The following TBXAS1 variants were observed in gnomAD, a reference collection of about 807,000 sequenced individuals.
TBXAS1 encodes thromboxane-A synthase.
Under a neutral mutation model 60.7 loss-of-function variants are expected in TBXAS1, and 48 were observed. The observed-to-expected ratio is 0.79, with a 90% confidence interval of 0.63 to 1.01. TBXAS1 has a LOEUF of 1.01. Among genes scored for constraint, TBXAS1 ranks in the 50% least tolerant of loss-of-function variants. The pLI, the probability that TBXAS1 is intolerant of heterozygous loss-of-function variation, is 0.00. For missense variants in TBXAS1, 685 were observed against 686.3 expected (o/e 1.00, Z 0.02); for synonymous variants, 287 against 269.7 (o/e 1.06, Z -0.63).
At chr7:139,933,605 A>G (rs1350712578) in intron 4 of TBXAS1, among the ~76,000 whole-genome samples, 2 of 152,132 alleles carry the variant, frequency 1.3e-5, no homozygotes, top group African/African-American at 2.4e-5. Flanking sequence ...ATATCCCAGC[A>G]TCTTGGTTCT....
intron 4 of TBXAS1, among the ~76,000 whole-genome samples, chr7:139,816,027 G>A (rs1025356651): frequency 2.6e-5 from 4 of 152,142 alleles, no homozygotes; most frequent in Non-Finnish European, 5.9e-5. Flanking sequence ...TGATTGCATC[G>A]TGGGAGCAGT....
chr7:140,015,731 G>T lies in TBXAS1; in HGVS notation c.1235G>T (p.Arg412Leu). 1 of 1,613,278 alleles carries T rather than the reference G, an allele frequency of 6.2e-7. No homozygotes were observed. The highest frequency in any genetic ancestry group is 1.7e-4 in the Middle Eastern group (1 of 6,058). Residue 412 changes from arginine to leucine, a missense_variant, in exon 11 of 13, where the codon CGG (arginine) becomes CTG (leucine). Transcript: ENST00000448866. Reference protein sequence around the residue: ...RMYPPAFRFTREAAQDCEVLG... With the variant: ...RMYPPAFRFTLEAAQDCEVLG... ...CCTGGTGTTTCCCTCAGATTCACAC[G>T]GGAGGCAGCTCAGGACTGCGAGGTG... is the stretch of plus-strand genomic sequence containing the variant.
intron 4 of TBXAS1, among the ~76,000 whole-genome samples, chr7:139,927,160 AT>A (rs58381325): frequency 0.028 from 3,688 of 129,564 alleles, 122 homozygotes; most frequent in African/African-American, 0.087. Context: ...ACGCCCGGCT[AT>A]TTTTTTTTTT....
intron 3 of TBXAS1, among the ~76,000 whole-genome samples, chr7:139,892,068 T>C (rs1803661692): frequency 6.6e-6 from 1 of 152,188 alleles, no homozygotes; most frequent in Admixed American, 6.5e-5. Context: ...GTTCTCCTGA[T>C]ACACTAGCTG....
chr7:139,951,836 AAAGAAAGAAGGAAGGAAGGAAGG>A (rs1809324573), intron 5 of TBXAS1, among the ~76,000 whole-genome samples: 1 of 26,108 alleles, frequency 3.8e-5, no homozygotes, highest in Non-Finnish European at 8.4e-5. Flanking sequence ...AAGAGGAAAG[AAAGAAAGAAGGAAGGAAGGAAGG>A]AAAGAAGGAA....
rs193168434 is a variant in TBXAS1 at position 139,823,224 on chromosome 7, A to G, written c.-79-6088A>G. Among the ~76,000 whole-genome samples, 8 of 152,096 alleles carry G rather than the reference A, an allele frequency of 5.3e-5. No individual in the cohort carries two copies. The East Asian group carries it at 1.6e-3, about 30-fold the overall frequency. On this transcript the variant is annotated intron_variant, in intron 4 of 16. Transcript: ENST00000336425. Reference sequence around the variant, plus strand: ...GCCCTGCATGTATTTGTGTGCCATCATAACTATAAGACGGACGGAACTTAG... The same window carrying G: ...GCCCTGCATGTATTTGTGTGCCATCGTAACTATAAGACGGACGGAACTTAG...
chr7:139,787,512 G>A (rs1797237022), intron 4 of TBXAS1: 1 of 152,216 alleles, frequency 6.6e-6, no homozygotes, highest in Admixed American at 6.5e-5. Flanking sequence ...GTTAAGTCCT[G>A]TGTTTAATAG....
intron 4 of TBXAS1, among the ~76,000 whole-genome samples, chr7:139,809,833 C>A (rs1400297397): frequency 6.6e-6 from 1 of 152,116 alleles, no homozygotes; most frequent in Non-Finnish European, 1.5e-5. Context: ...CTCAGTCCAC[C>A]AACTCACATG....
At chr7:139,892,833 G>A (rs1803746303) in intron 3 of TBXAS1, among the ~76,000 whole-genome samples, 1 of 152,066 alleles carries the variant, frequency 6.6e-6, no homozygotes, top group Non-Finnish European at 1.5e-5. Context: ...AGCTCGGGGT[G>A]AGCTTCTTGA....
At chr7:139,965,516 A>C (rs7796452) in intron 9 of TBXAS1, among the ~76,000 whole-genome samples, 12,571 of 151,992 alleles carry the variant, frequency 0.083, 617 homozygotes, top group Middle Eastern at 0.12. Context: ...CTCACAGCAA[A>C]CTCCGCCGCC....
intron 1 of TBXAS1, among the ~76,000 whole-genome samples, chr7:139,831,877 A>T (rs1454043294): frequency 6.6e-6 from 1 of 152,202 alleles, no homozygotes; most frequent in African/African-American, 2.4e-5. Flanking sequence ...GGCTGCAGTG[A>T]TCTGAGATCA....
At chr7:139,932,412 C>G (rs547004164) in intron 4 of TBXAS1, among the ~76,000 whole-genome samples, 1 of 151,902 alleles carries the variant, frequency 6.6e-6, no homozygotes, top group Non-Finnish European at 1.5e-5. Flanking sequence ...TGGAGCTCAT[C>G]GCTCAAGGCA....
chr7:139,939,507 T>C lies in TBXAS1; in HGVS notation c.450+3200T>C, dbSNP rs1248737164. Reference sequence around the variant, plus strand: ...CTACTCCATATAGTTCAATTTAGGTTCTTGGGTTTGCGTTTGAAAGGATTC... The same window carrying C: ...CTACTCCATATAGTTCAATTTAGGTCCTTGGGTTTGCGTTTGAAAGGATTC... On this transcript the variant is annotated intron_variant, in intron 5 of 12. Transcript: ENST00000448866. Among the ~76,000 whole-genome samples the C allele has an allele frequency of 5.3e-5, 8 of 151,900 alleles. No homozygotes were observed. The East Asian group carries it at 9.7e-4, about 18-fold the overall frequency.
intron 5 of TBXAS1, among the ~76,000 whole-genome samples, chr7:139,947,606 C>G (rs530985713): frequency 4.1e-4 from 63 of 152,310 alleles, no homozygotes; most frequent in African/African-American, 1.5e-3. Context: ...ATAAGAATCT[C>G]CAGGTTATGC....
intron 1 of TBXAS1, among the ~76,000 whole-genome samples, chr7:139,843,258 CA>C (rs1450542228): frequency 2.0e-5 from 3 of 152,208 alleles, no homozygotes; most frequent in Non-Finnish European, 4.4e-5. Context: ...AGCCCTCAAC[CA>C]GCCCTGCCTC....
intron 4 of TBXAS1, among the ~76,000 whole-genome samples, chr7:139,919,909 G>A (rs538022999): frequency 6.6e-6 from 1 of 152,254 alleles, no homozygotes; most frequent in South Asian, 2.1e-4. Context: ...GGTGATATAG[G>A]CCACCCCACT....
chr7:139,884,544 C>A (rs536824681), intron 3 of TBXAS1, among the ~76,000 whole-genome samples: 1 of 152,280 alleles, frequency 6.6e-6, no homozygotes, highest in African/African-American at 2.4e-5. Context: ...ACTGACCAGG[C>A]TGTGGGTACC....
At chr7:139,875,364 G>C (rs988576076) in intron 2 of TBXAS1, among the ~76,000 whole-genome samples, 4 of 152,182 alleles carry the variant, frequency 2.6e-5, no homozygotes, top group African/African-American at 9.7e-5. Context: ...AGTAGTTTAA[G>C]AACTGGTGAT....
chr7:139,886,540 T>C (rs1185829541), intron 3 of TBXAS1, among the ~76,000 whole-genome samples: 1 of 152,058 alleles, frequency 6.6e-6, no homozygotes, highest in Admixed American at 6.5e-5. Flanking sequence ...CAGCACCTCT[T>C]GATACTACTT....
Sources: gnomAD v4.1 joint callset for allele counts (sites outside exome capture counted in the v4.1 genomes callset) on GRCh38, gnomAD v4.1.1 for gene constraint, MANE v1.5 for transcripts, NCBI Gene and HGNC (gene_info 2026-07-23, HGNC 2026-07-21) for gene names.